Variants in PAM16 observed in about 807,000 individuals in gnomAD.
The protein encoded by PAM16 is presequence translocase associated motor 16, also known as mitochondrial import inner membrane translocase subunit TIM16.
Under a neutral mutation model 17.9 loss-of-function variants are expected in PAM16, and 11 were observed. That is an observed-to-expected ratio of 0.62 (90% CI 0.39 to 1.02). PAM16 has a LOEUF of 1.02. Ranked by LOEUF, PAM16 falls within the 50% of genes least tolerant of loss-of-function variation. The pLI, the probability that PAM16 is intolerant of heterozygous loss-of-function variation, is 0.01. For missense variants in PAM16, 199 were observed against 165.4 expected (o/e 1.20, Z -1.11); for synonymous variants, 72 against 67.4 (o/e 1.07, Z -0.34).
intron 1 of PAM16, among the ~76,000 whole-genome samples, chr16:4,345,019 A>T (rs567834602): frequency 2.0e-5 from 3 of 152,032 alleles, no homozygotes; most frequent in Non-Finnish European, 4.4e-5. Context: ...CTGGCCTGGG[A>T]AAGACTGGGA....
In PAM16 at chr16:4,340,291, G is replaced by A. The variant is rs79092157; in HGVS notation, c.*28C>T. On this transcript the variant is annotated 3_prime_UTR_variant, in exon 5 of 5. Coordinates refer to ENST00000318059, the MANE Select transcript of PAM16 (RefSeq NM_016069.11). ...TATTACCAAGCTATAAATTAGAGGC[G>A]GCGGGGTGGGCGGGGGGAGCCGAGC... 0.014 allele frequency: 22,788 copies of A among 1,591,146 alleles called. 231 individuals carry two copies. The highest frequency in any genetic ancestry group is 0.017 in the Non-Finnish European group (19,595 of 1,163,994).
chr16:4,341,336 T>C, intron 3 of PAM16, 32 bp downstream of exon 3: 1 of 1,551,436 alleles, frequency 6.4e-7, no homozygotes, highest in Non-Finnish European at 8.7e-7. Context: ...AGCCTCTCCC[T>C]CTCAAACTTT....
At chr16:4,342,557 G>C (rs1051633109) in intron 2 of PAM16, among the ~76,000 whole-genome samples, 1 of 151,236 alleles carries the variant, frequency 6.6e-6, no homozygotes, top group African/African-American at 2.4e-5. Flanking sequence ...AGGAGGCTGA[G>C]GCAGAAGAAT....
chr16:4,345,697 C>G (rs2053747684), intron 1 of PAM16: 2 of 201,548 alleles, frequency 9.9e-6, no homozygotes, highest in African/African-American at 4.7e-5. Context: ...AGAGAAGACC[C>G]TCCTGTGATC....
At chr16:4,344,181 GGTGAGAGGAGGGGGTTCTGT>G (rs1567230807) in intron 1 of PAM16, 5 of 370,592 alleles carry the variant, frequency 1.3e-5, no homozygotes, top group East Asian at 7.5e-5. Context: ...GATGGGATTC[GGTGAGAGGAGGGGGTTCTGT>G]GTGAGAGGAG....
In PAM16 at chr16:4,341,036, T is replaced by A. The variant is rs753337345; in HGVS notation, c.226-51A>T. ...AGGGCTGCAGACTGCAGGCAAGAGA[T>A]GTTGGGCAGGCTATGTGGGGCCACG... On this transcript the variant is annotated intron_variant, in intron 3 of 4. Transcript: ENST00000318059. 2.5e-6 allele frequency: 4 copies of A among 1,609,252 alleles called. No homozygotes were observed. In the East Asian group the frequency reaches 8.9e-5, roughly 36 times the overall value.
intron 1 of PAM16, 182 bp from the exon 2 acceptor site, chr16:4,343,473 A>T: frequency 1.4e-6 from 2 of 1,431,598 alleles, no homozygotes; most frequent in Non-Finnish European, 1.8e-6. Flanking sequence ...TGGGTGGCTT[A>T]GTTACTCACT....
intron 4 of PAM16, 43 bp from the exon 5 acceptor site, chr16:4,340,448 C>T: frequency 6.3e-7 from 1 of 1,594,736 alleles, no homozygotes; most frequent in Non-Finnish European, 8.5e-7. Context: ...CAAGCCTCCG[C>T]CCCATACCCC....
chr16:4,340,869 A>G (rs770892963), intron 4 of PAM16, 51 bp downstream of exon 4: 2 of 1,605,984 alleles, frequency 1.2e-6, no homozygotes, highest in East Asian at 4.5e-5. Context: ...GCCCCAGGTG[A>G]GAAGAAGGGG....
intron 4 of PAM16, 33 bp downstream of exon 4, chr16:4,340,887 A>T (rs1390863336): frequency 4.3e-6 from 7 of 1,612,038 alleles, no homozygotes; most frequent in Admixed American, 1.7e-5. Flanking sequence ...GGGTCCCATG[A>T]CTTCATTCCT....
chr16:4,350,387 G>A (rs1236423828), intron 1 of PAM16, among the ~76,000 whole-genome samples: 2 of 149,906 alleles, frequency 1.3e-5, no homozygotes, highest in African/African-American at 4.9e-5. Flanking sequence ...AATGTATACG[G>A]TATATATAAT....
intron 4 of PAM16, 81 bp from the exon 5 acceptor site, chr16:4,340,486 T>C: frequency 1.4e-6 from 2 of 1,477,206 alleles, no homozygotes; most frequent in Admixed American, 4.0e-5. Context: ...CCTATTCCCA[T>C]CAGCCCAGGT....
intron 4 of PAM16, 24 bp downstream of exon 4, chr16:4,340,896 C>T (rs765832103): frequency 1.2e-6 from 2 of 1,613,236 alleles, no homozygotes; most frequent in South Asian, 1.1e-5. Context: ...GACTTCATTC[C>T]TCCCAGAATC....
intron 1 of PAM16, among the ~76,000 whole-genome samples, chr16:4,349,722 G>C (rs1308005087): frequency 6.6e-6 from 1 of 152,056 alleles, no homozygotes; most frequent in African/African-American, 2.4e-5. Flanking sequence ...AGCTAGGATC[G>C]CTCCACTGCA....
chr16:4,343,146 C>T (rs752261348), intron 2 of PAM16, 61 bp downstream of exon 2: 361 of 1,608,966 alleles, frequency 2.2e-4, no homozygotes, highest in Non-Finnish European at 2.6e-4. Context: ...CCCATGGCTA[C>T]GGGGAAAATC....
At chr16:4,349,912 C>T (rs2053821050) in intron 1 of PAM16, among the ~76,000 whole-genome samples, 2 of 152,138 alleles carry the variant, frequency 1.3e-5, no homozygotes, top group African/African-American at 4.8e-5. Flanking sequence ...ACAATGACAG[C>T]AGGACTTCAT....
At chr16:4,343,923 T>C (rs2053691426) in intron 1 of PAM16, 1 of 397,920 alleles carries the variant, frequency 2.5e-6, no homozygotes, top group Non-Finnish European at 4.4e-6. Flanking sequence ...GTGCAGCCAT[T>C]GGTTCACCCA....
At chr16:4,344,457 A>G (rs1355923106) in intron 1 of PAM16, among the ~76,000 whole-genome samples, 1 of 43,404 alleles carries the variant, frequency 2.3e-5, no homozygotes, top group Non-Finnish European at 4.3e-5. Flanking sequence ...AGAGGAGGGG[A>G]CTGTGTGAGA....
At chr16:4,351,117 C>CGG in intron 1 of PAM16, 115 bp downstream of exon 1, 1 of 495,214 alleles carries the variant, frequency 2.0e-6, no homozygotes, top group Non-Finnish European at 3.1e-6. Context: ...TGCTTCCCGC[C>CGG]GGGCACGCAG....
Sources: gnomAD v4.1 joint callset for allele counts (sites outside exome capture counted in the v4.1 genomes callset) on GRCh38, gnomAD v4.1.1 for gene constraint, MANE v1.5 for transcripts, NCBI Gene and HGNC (gene_info 2026-07-23, HGNC 2026-07-21) for gene names.